The following OGFOD3 variants were observed in gnomAD, a reference collection of about 807,000 sequenced individuals.
OGFOD3 encodes 2-oxoglutarate and iron-dependent oxygenase domain-containing protein 3.
OGFOD3 carries 35 observed loss-of-function variants against 39.8 expected under a neutral mutation model. The observed-to-expected ratio is 0.88, with a 90% CI of 0.67 to 1.17. The LOEUF (loss-of-function observed/expected upper bound fraction) is 1.17. Ranked by LOEUF, OGFOD3 falls within the 50% of genes most tolerant of loss-of-function variation. The probability of loss-of-function intolerance (pLI) is 0.00; values close to 1 mark genes in which losing one functional copy is unlikely to be tolerated. For missense variants in OGFOD3, 438 were observed against 454.5 expected (o/e 0.96, Z 0.33); for synonymous variants, 200 against 192.0 (o/e 1.04, Z -0.34).
At chr17:82,401,659 C>T (rs1437875376) in intron 7 of OGFOD3, among the ~76,000 whole-genome samples, 2 of 151,240 alleles carry the variant, frequency 1.3e-5, no homozygotes, top group Non-Finnish European at 2.9e-5. Context: ...CAAAAATTAG[C>T]CGGCCGCAGT....
intron 8 of OGFOD3, chr17:82,396,569 A>G (rs2052677133): frequency 6.6e-6 from 1 of 152,274 alleles, no homozygotes. Context: ...TGTTTTAATT[A>G]TCTGAAAGAA....
At chr17:82,398,081 G>A (rs887880982) in intron 8 of OGFOD3, 115 bp downstream of exon 8, 22 of 1,325,870 alleles carry the variant, frequency 1.7e-5, no homozygotes, top group Middle Eastern at 2.6e-4. Context: ...GCACCGGCCC[G>A]GCACACAGCA....
intron 2 of OGFOD3, among the ~76,000 whole-genome samples, chr17:82,412,009 C>A (rs1327796432): frequency 1.4e-5 from 1 of 69,874 alleles, no homozygotes; most frequent in Non-Finnish European, 3.0e-5. Flanking sequence ...GAGCAGAAAA[C>A]CCTCCTGAGA....
chr17:82,418,403 C>T lies in OGFOD3; in HGVS notation c.74+9G>A, dbSNP rs1016146706. On this transcript the variant is annotated intron_variant, in intron 1 of 8. Coordinates refer to ENST00000313056, the MANE Select transcript of OGFOD3 (RefSeq NM_024648.3). ...CCGCAGCGCGCGCCCTTCCCCTCCT[C>T]ACCGCTACCTGCTCCGGTTCCGGCG... 3.1e-4 allele frequency: 452 copies of T among 1,477,310 alleles called. 1 individual carries two copies. The highest frequency in any genetic ancestry group is 6.1e-4 in the Admixed American group (27 of 44,558). The allele number at this position is 1,477,310 out of a possible 1,614,324, so 91.5% of individuals were successfully genotyped here. A position where few individuals can be genotyped will look rare whatever the true frequency, so the allele number is the denominator to read the frequency against.
rs34028107 is a variant in OGFOD3 at position 82,415,555 on chromosome 17, C to T, written c.147G>A (p.Leu49=). The T allele has an allele frequency of 4.1e-3, 6,675 of 1,613,482 alleles. 257 individuals are homozygous for T. In the African/African-American group the frequency reaches 0.081, roughly 20 times the overall value. The change falls in exon 2 of 9, where the codon CTG becomes CTA. Residue 49 remains leucine (L), a synonymous_variant. Transcript: ENST00000313056. This position sits in a 1 kb window ranked among gnomAD's most constrained non-coding sequence, Gnocchi z 5.3. ...GTGCGGTGAGCACAAAGCCAGCCCC[C>T]AGGCCCGCGGTCCTTAGCCACGGCC... ...WQRPWLRTAG[L]GAGFVLTALL... is the part of the protein sequence containing the mutation.
In OGFOD3 at chr17:82,392,713, C is replaced by G. The variant is rs540100991; in HGVS notation, c.824-179G>C. ...AGGAAGGAGGAGCTGGAGAAACAAA[C>G]GCAGCAATGCTCAGGGGCCCTGTGG... On this transcript the variant is annotated intron_variant, in intron 8 of 8. Transcript: ENST00000313056. The surrounding 1 kb of genome is among the most constrained non-coding windows in gnomAD (Gnocchi z 4.2). 1 of 751,116 alleles carries G rather than the reference C, an allele frequency of 1.3e-6. No individual in the cohort carries two copies. The highest frequency in any genetic ancestry group is 2.1e-6 in the Non-Finnish European group (1 of 477,138). 46.5% of individuals were successfully genotyped at this position (751,116 alleles called of 1,614,324 possible).
intron 8 of OGFOD3, chr17:82,394,482 A>G (rs766846686): frequency 9.9e-6 from 16 of 1,613,936 alleles, no homozygotes; most frequent in Non-Finnish European, 1.4e-5. Context: ...CAGCAGCTTC[A>G]CTGGCTCTCG....
At chr17:82,409,995 C>A (rs2143272614) in intron 3 of OGFOD3, among the ~76,000 whole-genome samples, 1 of 152,340 alleles carries the variant, frequency 6.6e-6, no homozygotes, top group African/African-American at 2.4e-5. Flanking sequence ...AGCTCAGGAG[C>A]CTGGGGAGCA....
chr17:82,406,768 AT>A lies in OGFOD3; in HGVS notation c.424-287del. ...AGGCGCTCGCCACCACACCTGGCTAATTTTTCTATTTTTTGTAGAGATGTGG... is the reference window on the plus strand; with the variant it reads ...AGGCGCTCGCCACCACACCTGGCTAATTTTCTATTTTTTGTAGAGATGTGG... On this transcript the variant is annotated intron_variant, in intron 4 of 8. Transcript: ENST00000313056. This position sits in a 1 kb window ranked among gnomAD's most constrained non-coding sequence, Gnocchi z 5.2. 6.6e-6 allele frequency among the ~76,000 whole-genome samples: 1 copy of A among 152,094 alleles called. No homozygotes were observed. The highest frequency in any genetic ancestry group is 2.1e-4 in the South Asian group (1 of 4,820).
intron 2 of OGFOD3, among the ~76,000 whole-genome samples, chr17:82,414,209 C>G (rs1051073352): frequency 1.3e-5 from 2 of 152,168 alleles, no homozygotes; most frequent in Admixed American, 6.6e-5. Flanking sequence ...TTCACTGCAG[C>G]CCTGACCTCC....
chr17:82,415,251 G>T lies in OGFOD3; in HGVS notation c.304+147C>A. The T allele has an allele frequency of 1.2e-6, 1 of 809,880 alleles. No homozygotes were observed. The highest frequency in any genetic ancestry group is 2.0e-6 in the Non-Finnish European group (1 of 500,342). 50.2% of individuals were successfully genotyped at this position (809,880 alleles called of 1,614,324 possible). A position where few individuals can be genotyped will look rare whatever the true frequency, so the allele number is the denominator to read the frequency against. On this transcript the variant is annotated intron_variant, in intron 2 of 8. Coordinates refer to ENST00000313056, the MANE Select transcript of OGFOD3 (RefSeq NM_024648.3). The surrounding 1 kb of genome is among the most constrained non-coding windows in gnomAD (Gnocchi z 5.3). Reference sequence around the variant, plus strand: ...CGCGAAACACCTGCACTCCCAGTCAGACGTGGACTAGCCAGCCTGCAGGAG... The same window carrying T: ...CGCGAAACACCTGCACTCCCAGTCATACGTGGACTAGCCAGCCTGCAGGAG...
chr17:82,409,084 G>A (rs549184646), intron 4 of OGFOD3, among the ~76,000 whole-genome samples: 38 of 152,284 alleles, frequency 2.5e-4, no homozygotes, highest in African/African-American at 8.2e-4. Context: ...CCCTGCTTCC[G>A]ACCCCCTCTA....
intron 2 of OGFOD3, among the ~76,000 whole-genome samples, chr17:82,412,795 A>G (rs2052972487): frequency 6.6e-6 from 1 of 152,176 alleles, no homozygotes; most frequent in African/African-American, 2.4e-5. Context: ...ACAGCAGCCC[A>G]CAAGCACCAG....
At position 82,403,810 on chromosome 17, in the gene OGFOD3, C is replaced by A. The variant is rs561080175; in HGVS notation, c.699+127G>T. ...CTCACCCTGCCCACGTACGCACTCA[C>A]CCTGCCCACGGGCACGCTCACCTTG... is the stretch of plus-strand genomic sequence containing the variant. On this transcript the variant is annotated intron_variant, in intron 7 of 8. Transcript: ENST00000313056. 166 of 1,328,490 alleles carry A rather than the reference C, an allele frequency of 1.2e-4. No homozygotes were observed. In the Middle Eastern group the frequency reaches 1.5e-3, roughly 12 times the overall value. The allele number at this position is 1,328,490 out of a possible 1,614,324, so 82.3% of individuals were successfully genotyped here. A position where few individuals can be genotyped will look rare whatever the true frequency, so the allele number is the denominator to read the frequency against.
In OGFOD3 at chr17:82,418,500, G is replaced by A. The variant is rs1432415961; in HGVS notation, c.-15C>T. The A allele has an allele frequency of 1.5e-6, 2 of 1,348,094 alleles. No homozygotes were observed. Among genetic ancestry groups the A allele is most frequent in the South Asian group, 3.4e-5 (2 of 58,446 alleles). The allele number at this position is 1,348,094 out of a possible 1,614,324, so 83.5% of individuals were successfully genotyped here. A position where few individuals can be genotyped will look rare whatever the true frequency, so the allele number is the denominator to read the frequency against. On this transcript the variant is annotated 5_prime_UTR_variant, in exon 1 of 9. Coordinates refer to ENST00000313056, the MANE Select transcript of OGFOD3 (RefSeq NM_024648.3). The stretch of plus-strand genomic sequence containing the variant: ...TGAGGAGCCATCGGACCAGGCCGCC[G>A]CGGAGCCGGGCCGGACGCGGGCGCC...
intron 8 of OGFOD3, among the ~76,000 whole-genome samples, chr17:82,397,454 T>C (rs1161766036): frequency 1.7e-5 from 1 of 58,202 alleles, no homozygotes; most frequent in African/African-American, 6.9e-5. Flanking sequence ...CAGTGGGGGG[T>C]GGATGGTGCT....
At chr17:82,397,330 T>C (rs553122962) in intron 8 of OGFOD3, among the ~76,000 whole-genome samples, 76 of 125,644 alleles carry the variant, frequency 6.0e-4, no homozygotes, top group African/African-American at 2.1e-3. Flanking sequence ...CAGCAGGGGG[T>C]GAGGGCAGTG....
chr17:82,393,669 T>C (rs913094300), intron 8 of OGFOD3: 16 of 152,254 alleles, frequency 1.1e-4, no homozygotes, highest in Admixed American at 7.9e-4. Context: ...CCAGCTTCAA[T>C]CGAGGCTGAG....
chr17:82,408,156 A>G (rs893726451), intron 4 of OGFOD3, among the ~76,000 whole-genome samples: 5 of 152,214 alleles, frequency 3.3e-5, no homozygotes, highest in African/African-American at 4.8e-5. Flanking sequence ...AAAAGAAGAA[A>G]AAAAGGAACT....
Sources: allele counts gnomAD v4.1 joint callset (sites outside exome capture counted in the v4.1 genomes callset), GRCh38; gene constraint gnomAD v4.1.1; non-coding constraint Gnocchi (gnomAD v3.1); transcripts MANE v1.5; gene names NCBI Gene and HGNC (gene_info 2026-07-23, HGNC 2026-07-21).